Variants in GTF2IRD1 observed in about 807,000 individuals in gnomAD.
GTF2IRD1 encodes general transcription factor II-I repeat domain-containing protein 1.
In GTF2IRD1, 26 loss-of-function variants were observed where a neutral mutation model predicts 113.2. The ratio of observed to expected loss-of-function variants is 0.23; its 90% CI spans 0.17 to 0.32. The LOEUF is 0.32. Among genes scored for constraint, GTF2IRD1 ranks in the 10% least tolerant of loss-of-function variants. The pLI, the probability that GTF2IRD1 is intolerant of heterozygous loss-of-function variation, is 1.00. For synonymous variants in GTF2IRD1, 484 were observed against 529.1 expected, an observed-to-expected ratio of 0.91 and a Z score of 1.17; for missense variants, 864 against 1,280.8, an observed-to-expected ratio of 0.67 and a Z score of 4.97.
intron 8 of GTF2IRD1, 100 bp downstream of exon 8, chr7:74,524,254 ATAT>A: frequency 3.5e-6 from 2 of 576,964 alleles, no homozygotes; most frequent in Non-Finnish European, 6.0e-6. Flanking sequence ...AGCGGGAGCC[ATAT>A]GCTGGCTCCC....
At chr7:74,517,391 T>C (rs1796998298) in intron 4 of GTF2IRD1, among the ~76,000 whole-genome samples, 3 of 135,830 alleles carry the variant, frequency 2.2e-5, no homozygotes, top group South Asian at 5.3e-4. Flanking sequence ...TTACTTTCTC[T>C]CCCCCCTCTC....
rs57223357 is a variant in GTF2IRD1 at position 74,543,241 on chromosome 7, G to T, written c.1619-1514G>T. On this transcript the variant is annotated intron_variant, in intron 14 of 26. Transcript: ENST00000424337. ...CACTTGAACCCAGGAGGCAGAGGTTGCAGTGAGCCAAGATCGCACCATTGC... is the reference window on the plus strand; with the variant it reads ...CACTTGAACCCAGGAGGCAGAGGTTTCAGTGAGCCAAGATCGCACCATTGC... Among the ~76,000 whole-genome samples, 4,069 of 152,276 alleles carry T rather than the reference G, an allele frequency of 0.027. 378 individuals carry two copies. In the East Asian group the frequency reaches 0.34, roughly 13 times the overall value.
intron 24 of GTF2IRD1, among the ~76,000 whole-genome samples, chr7:74,591,295 A>C (rs1334864597): frequency 1.3e-5 from 2 of 151,514 alleles, no homozygotes; most frequent in Admixed American, 6.6e-5. Flanking sequence ...TTAACATTTA[A>C]ATATAAATAT....
intron 1 of GTF2IRD1, among the ~76,000 whole-genome samples, chr7:74,456,982 CCT>C (rs1793028292): frequency 6.6e-6 from 1 of 151,986 alleles, no homozygotes; most frequent in South Asian, 2.1e-4. Flanking sequence ...CCCATGATGT[CCT>C]CTCTTTTTTT....
rs962078117 is a variant in GTF2IRD1 at position 74,524,401 on chromosome 7, C to T, written c.1090+247C>T. On this transcript the variant is annotated intron_variant, in intron 8 of 26. Transcript: ENST00000424337. The stretch of plus-strand genomic sequence containing the variant: ...AAAGCCCCAGACCTGGGCTCAGTGG[C>T]GGGGAGCGGGACAGGTTGGGGGCAG... Among the ~76,000 whole-genome samples the T allele has an allele frequency of 3.3e-5, 5 of 152,078 alleles. No individual in the cohort carries two copies. In the East Asian group the frequency reaches 5.8e-4, roughly 18 times the overall value.
intron 1 of GTF2IRD1, among the ~76,000 whole-genome samples, chr7:74,476,347 T>C (rs1004845080): frequency 3.3e-5 from 5 of 150,974 alleles, no homozygotes; most frequent in Non-Finnish European, 7.4e-5. Context: ...CACGCCCGCT[T>C]GGAAGCCTTC....
At chr7:74,573,896 G>T (rs957346395) in intron 22 of GTF2IRD1, among the ~76,000 whole-genome samples, 1 of 152,230 alleles carries the variant, frequency 6.6e-6, no homozygotes, top group Non-Finnish European at 1.5e-5. Flanking sequence ...TCACTCATTT[G>T]TGCACAGGCC....
chr7:74,512,791 G>A lies in GTF2IRD1; in HGVS notation c.124-39G>A. The A allele has an allele frequency of 6.2e-7, 1 of 1,605,316 alleles. No individual in the cohort carries two copies. Among genetic ancestry groups the A allele is most frequent in the South Asian group, 1.1e-5 (1 of 90,650 alleles). ...TGGATACTAGAGGTGTTCGGAGTAT[G>A]GGGAGCCCTTCCGCTCACACAGCCT... On this transcript the variant is annotated intron_variant, in intron 2 of 26. Transcript: ENST00000424337. This position sits in a 1 kb window ranked among gnomAD's most constrained non-coding sequence, Gnocchi z 4.4.
intron 1 of GTF2IRD1, among the ~76,000 whole-genome samples, chr7:74,469,198 C>A (rs553191775): frequency 1.8e-4 from 27 of 151,798 alleles, no homozygotes; most frequent in African/African-American, 6.3e-4. Flanking sequence ...GGGGTAGGAG[C>A]GTGGTGATGC....
chr7:74,484,419 T>C (rs1454496511), intron 1 of GTF2IRD1, among the ~76,000 whole-genome samples: 1 of 151,478 alleles, frequency 6.6e-6, no homozygotes, highest in Non-Finnish European at 1.5e-5. Context: ...AGTACTGAGA[T>C]TACAGGCATG....
At chr7:74,538,590 G>T in intron 12 of GTF2IRD1, 90 bp from the exon 13 acceptor site, 1 of 854,570 alleles carries the variant, frequency 1.2e-6, no homozygotes. Flanking sequence ...TCACTAACAA[G>T]TTACAGACAC....
At chr7:74,546,821 G>A (rs1798972003) in intron 16 of GTF2IRD1, among the ~76,000 whole-genome samples, 1 of 152,212 alleles carries the variant, frequency 6.6e-6, no homozygotes, top group Non-Finnish European at 1.5e-5. Flanking sequence ...CTGGGCATGA[G>A]GGCATGGACC....
At position 74,462,639 on chromosome 7, in the gene GTF2IRD1, A is replaced by C. The variant is rs376920229; in HGVS notation, c.-7+8463A>C. On this transcript the variant is annotated intron_variant, in intron 1 of 26. Coordinates refer to ENST00000424337, the MANE Select transcript of GTF2IRD1 (RefSeq NM_005685.4). The stretch of plus-strand genomic sequence containing the variant: ...CATCAGCTCGGGACCCCCCAGAAGA[A>C]GGTGGTTCCTCTTTCTCATTTTCAC... Among the ~76,000 whole-genome samples the C allele has an allele frequency of 4.6e-5, 7 of 152,258 alleles. No individual in the cohort carries two copies. The East Asian group carries it at 1.4e-3, about 29-fold the overall frequency.
chr7:74,502,994 C>G (rs1351573654), intron 1 of GTF2IRD1, among the ~76,000 whole-genome samples: 1 of 152,112 alleles, frequency 6.6e-6, no homozygotes, highest in East Asian at 1.9e-4. Context: ...TGGTGAAACC[C>G]TGTCTCTACT....
intron 13 of GTF2IRD1, 57 bp from the exon 14 acceptor site, chr7:74,539,822 T>C: frequency 8.2e-7 from 1 of 1,226,514 alleles, no homozygotes. Context: ...CCTGAGGGAC[T>C]GTGACAGGAG....
intron 1 of GTF2IRD1, among the ~76,000 whole-genome samples, chr7:74,473,055 T>C (rs1452019198): frequency 6.6e-6 from 1 of 152,186 alleles, no homozygotes; most frequent in Non-Finnish European, 1.5e-5. Context: ...GTGAGAATGG[T>C]TGATGGCCCC....
At chr7:74,490,513 G>A (rs1183196646) in intron 1 of GTF2IRD1, among the ~76,000 whole-genome samples, 1 of 151,804 alleles carries the variant, frequency 6.6e-6, no homozygotes, top group Non-Finnish European at 1.5e-5. Flanking sequence ...GTATTCAGAG[G>A]GAGGCTGAGG....
intron 1 of GTF2IRD1, among the ~76,000 whole-genome samples, chr7:74,501,534 C>T (rs754077606): frequency 1.5e-4 from 23 of 152,308 alleles, no homozygotes; most frequent in Non-Finnish European, 2.8e-4. Flanking sequence ...GGGCCAGATT[C>T]CAAGTTCCAT....
intron 1 of GTF2IRD1, among the ~76,000 whole-genome samples, chr7:74,465,599 A>C (rs1584454813): frequency 6.6e-6 from 1 of 152,080 alleles, no homozygotes; most frequent in South Asian, 2.1e-4. Flanking sequence ...AGTGAAGAAC[A>C]CTTTGTCAGC....
Sources: gnomAD v4.1 joint callset for allele counts (sites outside exome capture counted in the v4.1 genomes callset) on GRCh38, gnomAD v4.1.1 for gene constraint, Gnocchi (gnomAD v3.1) non-coding constraint, MANE v1.5 for transcripts, NCBI Gene and HGNC (gene_info 2026-07-23, HGNC 2026-07-21) for gene names.